Variants in LMBRD1 observed in about 807,000 individuals in gnomAD.
The protein encoded by LMBRD1 is lysosomal cobalamin transport escort protein LMBD1.
LMBRD1 carries 64 observed loss-of-function variants against 74.8 expected under a neutral mutation model. The observed-to-expected ratio is 0.86, with a 90% CI of 0.70 to 1.05. The LOEUF is 1.05. LMBRD1 is among the 50% of genes least tolerant of loss of function. The pLI is 0.00. For synonymous variants in LMBRD1, 204 were observed against 216.3 expected, an observed-to-expected ratio of 0.94 and a Z score of 0.50; for missense variants, 652 against 645.9, an observed-to-expected ratio of 1.01 and a Z score of -0.10.
intron 3 of LMBRD1, among the ~76,000 whole-genome samples, chr6:69,774,293 A>C (rs1233002540): frequency 6.6e-6 from 1 of 152,192 alleles, no homozygotes; most frequent in Non-Finnish European, 1.5e-5. Context: ...AAGCCTCCCC[A>C]GCCATGTGGA....
intron 2 of LMBRD1, 78 bp from the exon 3 acceptor site, chr6:69,780,632 C>T: frequency 9.7e-7 from 1 of 1,034,948 alleles, no homozygotes; most frequent in South Asian, 1.3e-5. Context: ...TTTAATACGA[C>T]TGAATATCAC....
At position 69,675,304 on chromosome 6, in the gene LMBRD1, T is replaced by C. The variant is rs189446300; in HGVS notation, c.*854A>G. 2.0e-5 allele frequency among the ~76,000 whole-genome samples: 3 copies of C among 152,294 alleles called. No homozygotes were observed. The highest frequency in any genetic ancestry group is 1.3e-4 in the Admixed American group (2 of 15,284). ...TTTTATTATTTCTCACTATCCAGAA[T>C]GTGTTCAAAATACCCTACTGATGTC... On this transcript the variant is annotated 3_prime_UTR_variant, in exon 16 of 16. Coordinates refer to ENST00000649934, the MANE Select transcript of LMBRD1 (RefSeq NM_018368.4).
At chr6:69,713,827 T>C (rs780344053) in intron 8 of LMBRD1, 30 bp from the exon 9 acceptor site, 66 of 1,612,058 alleles carry the variant, frequency 4.1e-5, no homozygotes, top group Admixed American at 2.0e-4. Flanking sequence ...ATAAAAGTTT[T>C]ACCATTAACA....
intron 9 of LMBRD1, among the ~76,000 whole-genome samples, chr6:69,704,287 A>T (rs1766199851): frequency 6.6e-6 from 1 of 152,078 alleles, no homozygotes; most frequent in African/African-American, 2.4e-5. Flanking sequence ...CAGAAACAAT[A>T]CGTTTTTTTC....
chr6:69,683,743 A>AC (rs1765708397), intron 14 of LMBRD1, among the ~76,000 whole-genome samples: 1 of 151,538 alleles, frequency 6.6e-6, no homozygotes. Flanking sequence ...TCAGGACCTC[A>AC]TTACTGTTCT....
chr6:69,709,979 T>C (rs1490893024), intron 9 of LMBRD1, among the ~76,000 whole-genome samples: 1 of 152,206 alleles, frequency 6.6e-6, no homozygotes, highest in Non-Finnish European at 1.5e-5. Flanking sequence ...TCCCAATAGA[T>C]ATCCTAGTGG....
At position 69,752,299 on chromosome 6, in the gene LMBRD1, T is replaced by C. The variant is rs1249490132; in HGVS notation, c.365A>G (p.Tyr122Cys). 1.9e-6 allele frequency: 3 copies of C among 1,610,544 alleles called. No homozygotes were observed. Among genetic ancestry groups the C allele is most frequent in the South Asian group, 1.1e-5 (1 of 91,014 alleles). Reference sequence around the variant, plus strand: ...ATCATCATCATCCTTTTCTTCATAATAGAAGTAGACAAAAGGGATCCAGAA... The same window carrying C: ...ATCATCATCATCCTTTTCTTCATAACAGAAGTAGACAAAAGGGATCCAGAA... Reference protein sequence around the residue: ...VFFWIPFVYFYYEEKDDDDTS... With the variant: ...VFFWIPFVYFCYEEKDDDDTS... Residue 122 changes from tyrosine to cysteine, a missense_variant, in exon 4 of 16, where the codon TAT becomes TGT. This residue lies in a region of LMBRD1 where 598 missense variants were observed against 581.8 expected (regional missense o/e 1.03). Transcript: ENST00000649934.
At chr6:69,763,364 A>C (rs192418915) in intron 3 of LMBRD1, among the ~76,000 whole-genome samples, 326 of 152,160 alleles carry the variant, frequency 2.1e-3, no homozygotes, top group Non-Finnish European at 3.8e-3. Flanking sequence ...TGTATTTGAT[A>C]ATTAGATTAG....
At chr6:69,713,432 A>C (rs1766424810) in intron 9 of LMBRD1, among the ~76,000 whole-genome samples, 1 of 152,138 alleles carries the variant, frequency 6.6e-6, no homozygotes, top group Non-Finnish European at 1.5e-5. Flanking sequence ...TTTTTATTTT[A>C]ATTTCCCAAC....
At chr6:69,772,022 CCTT>C (rs1398532032) in intron 3 of LMBRD1, among the ~76,000 whole-genome samples, 3 of 152,132 alleles carry the variant, frequency 2.0e-5, no homozygotes, top group Non-Finnish European at 4.4e-5. Context: ...GAAACTCTAT[CCTT>C]CTTGTTGCTA....
chr6:69,792,601 ATT>A (rs757546068), intron 1 of LMBRD1, among the ~76,000 whole-genome samples: 1 of 152,160 alleles, frequency 6.6e-6, no homozygotes, highest in Non-Finnish European at 1.5e-5. Flanking sequence ...CAAATTCTTG[ATT>A]TTGGGAAATT....
chr6:69,727,732 T>G (rs564682387), intron 7 of LMBRD1, among the ~76,000 whole-genome samples: 2 of 152,210 alleles, frequency 1.3e-5, no homozygotes, highest in South Asian at 4.1e-4. Flanking sequence ...TTTTTAATAT[T>G]AAATTATATA....
intron 9 of LMBRD1, among the ~76,000 whole-genome samples, chr6:69,702,268 C>T (rs1156852986): frequency 2.1e-5 from 3 of 144,778 alleles, no homozygotes; most frequent in South Asian, 2.3e-4. Context: ...CTGAAAAGTA[C>T]ATTATGACTA....
chr6:69,703,649 T>C (rs1357842309), intron 9 of LMBRD1, among the ~76,000 whole-genome samples: 5 of 152,036 alleles, frequency 3.3e-5, no homozygotes, highest in African/African-American at 9.7e-5. Flanking sequence ...AAATTAGTAG[T>C]TACAAAATCA....
intron 6 of LMBRD1, among the ~76,000 whole-genome samples, chr6:69,740,042 G>A (rs1767066356): frequency 6.6e-6 from 1 of 152,144 alleles, no homozygotes; most frequent in Admixed American, 6.5e-5. Context: ...GAAGGCAGGG[G>A]TTGCAGTGAG....
intron 5 of LMBRD1, among the ~76,000 whole-genome samples, chr6:69,743,434 T>C (rs909606844): frequency 1.3e-5 from 2 of 152,218 alleles, no homozygotes; most frequent in African/African-American, 4.8e-5. Context: ...TTGCTCTTGA[T>C]GACACATGTT....
At chr6:69,721,745 A>G (rs1239917679) in intron 7 of LMBRD1, among the ~76,000 whole-genome samples, 1 of 152,208 alleles carries the variant, frequency 6.6e-6, no homozygotes, top group Non-Finnish European at 1.5e-5. Flanking sequence ...CAGAGCAACA[A>G]GCAGACTCTT....
intron 7 of LMBRD1, among the ~76,000 whole-genome samples, chr6:69,723,988 A>G (rs553134530): frequency 6.6e-6 from 1 of 152,232 alleles, no homozygotes; most frequent in South Asian, 2.1e-4. Context: ...CTGATACCAC[A>G]GAAATTCAAA....
intron 9 of LMBRD1, among the ~76,000 whole-genome samples, chr6:69,712,448 TTTTTA>T (rs1044435178): frequency 3.3e-4 from 51 of 152,264 alleles, no homozygotes; most frequent in Admixed American, 9.2e-4. Context: ...ATGTTTTTTT[TTTTTA>T]AAGTCATTTT....
Sources: gnomAD v4.1 joint callset for allele counts (sites outside exome capture counted in the v4.1 genomes callset) on GRCh38, gnomAD v4.1.1 for gene constraint, gnomAD v4.1.1 regional missense constraint, MANE v1.5 for transcripts, NCBI Gene and HGNC (gene_info 2026-07-23, HGNC 2026-07-21) for gene names.